The following CXCL13 variants were observed in gnomAD, a reference collection of about 807,000 sequenced individuals.
The protein encoded by CXCL13 is C-X-C motif chemokine 13.
CXCL13 carries 7 observed loss-of-function variants against 12.2 expected under a neutral mutation model. That is an observed-to-expected ratio of 0.57 (90% CI 0.33 to 1.07). The LOEUF (loss-of-function observed/expected upper bound fraction) is 1.07, where lower values mean the gene tolerates loss of function less well. CXCL13 is among the 50% of genes least tolerant of loss of function. The probability of loss-of-function intolerance (pLI) is 0.04; values close to 1 mark genes in which losing one functional copy is unlikely to be tolerated. For missense variants in CXCL13, 113 were observed against 127.4 expected, an observed-to-expected ratio of 0.89 and a Z score of 0.55; for synonymous variants, 47 against 42.4, an observed-to-expected ratio of 1.11 and a Z score of -0.42.
intron 1 of CXCL13, among the ~76,000 whole-genome samples, chr4:77,547,772 A>G (rs150162267): frequency 6.6e-6 from 1 of 152,168 alleles, no homozygotes; most frequent in African/African-American, 2.4e-5. Flanking sequence ...TGACCCTGTC[A>G]TTATGATGTT....
intron 2 of CXCL13, among the ~76,000 whole-genome samples, 199 bp from the exon 3 acceptor site, chr4:77,610,415 A>G (rs1473481253): frequency 1.3e-5 from 2 of 152,176 alleles, no homozygotes; most frequent in East Asian, 3.9e-4. Flanking sequence ...ACCAGCTCAC[A>G]CATACTGTTC....
chr4:77,590,180 T>C (rs968865520), intron 1 of CXCL13, among the ~76,000 whole-genome samples: 2 of 152,224 alleles, frequency 1.3e-5, no homozygotes, highest in African/African-American at 4.8e-5. Context: ...GATAATATCC[T>C]AAATTTATAT....
At chr4:77,538,276 G>C (rs1560518987) in intron 1 of CXCL13, among the ~76,000 whole-genome samples, 1 of 151,984 alleles carries the variant, frequency 6.6e-6, no homozygotes, top group East Asian at 1.9e-4. Flanking sequence ...CTGCCTCAGA[G>C]CTCTGTTTCT....
intron 1 of CXCL13, among the ~76,000 whole-genome samples, chr4:77,557,970 C>T (rs1431802943): frequency 1.3e-5 from 2 of 152,186 alleles, no homozygotes; most frequent in Non-Finnish European, 2.9e-5. Context: ...CCTCTAAGAG[C>T]CATCTTAGGG....
intron 1 of CXCL13, among the ~76,000 whole-genome samples, chr4:77,554,351 A>T (rs1348036654): frequency 5.9e-5 from 9 of 152,222 alleles, no homozygotes; most frequent in Non-Finnish European, 1.2e-4. Context: ...GACAAGAAAT[A>T]ATACTAGAGA....
chr4:77,547,666 A>T (rs1010474155), intron 1 of CXCL13, among the ~76,000 whole-genome samples: 4 of 152,098 alleles, frequency 2.6e-5, no homozygotes, highest in African/African-American at 9.7e-5. Context: ...CAGCACACTG[A>T]TGGGTCTTGA....
At chr4:77,544,165 G>C (rs1355246073) in intron 1 of CXCL13, among the ~76,000 whole-genome samples, 1 of 152,164 alleles carries the variant, frequency 6.6e-6, no homozygotes, top group Non-Finnish European at 1.5e-5. Flanking sequence ...ATTTGGGTTG[G>C]TTCCAAGTCT....
chr4:77,563,499 G>C (rs1421486270), intron 1 of CXCL13, among the ~76,000 whole-genome samples: 1 of 152,096 alleles, frequency 6.6e-6, no homozygotes, highest in Non-Finnish European at 1.5e-5. Context: ...CTTATCTCAG[G>C]CTCCACTTCT....
chr4:77,562,201 C>T (rs1395502794), intron 1 of CXCL13, among the ~76,000 whole-genome samples: 1 of 147,440 alleles, frequency 6.8e-6, no homozygotes, highest in Admixed American at 6.7e-5. Context: ...GCCCCCCGCC[C>T]CGCCTACAGC....
intron 1 of CXCL13, among the ~76,000 whole-genome samples, chr4:77,523,264 A>C (rs1216597969): frequency 6.6e-6 from 1 of 152,176 alleles, no homozygotes. Context: ...CTGCCTTGCT[A>C]TGTTGGGGAA....
At chr4:77,559,168 C>G (rs60639905) in intron 1 of CXCL13, among the ~76,000 whole-genome samples, 8,556 of 152,160 alleles carry the variant, frequency 0.056, 841 homozygotes, top group African/African-American at 0.19. Context: ...ATTGGACTCT[C>G]TAGGAAGCAG....
chr4:77,562,032 C>A (rs1031014430), intron 1 of CXCL13, among the ~76,000 whole-genome samples: 1 of 152,256 alleles, frequency 6.6e-6, no homozygotes, highest in Admixed American at 6.5e-5. Flanking sequence ...GCGGAGGGTG[C>A]GCCGGGTCCC....
chr4:77,515,389 A>G (rs1724389598), intron 1 of CXCL13, among the ~76,000 whole-genome samples: 1 of 152,144 alleles, frequency 6.6e-6, no homozygotes, highest in African/African-American at 2.4e-5. Context: ...TCTATAAATT[A>G]CCTTGGGCAG....
At chr4:77,519,526 G>T (rs962333458) in intron 1 of CXCL13, among the ~76,000 whole-genome samples, 2 of 152,176 alleles carry the variant, frequency 1.3e-5, no homozygotes, top group African/African-American at 4.8e-5. Context: ...CTTTTGAGAA[G>T]TGTCTGTTCA....
At chr4:77,557,520 T>C (rs1332040853) in intron 1 of CXCL13, among the ~76,000 whole-genome samples, 1 of 152,226 alleles carries the variant, frequency 6.6e-6, no homozygotes, top group Non-Finnish European at 1.5e-5. Flanking sequence ...CCTTCTAGTT[T>C]TTCCTCAGGG....
chr4:77,576,299 A>G (rs1182811406), intron 1 of CXCL13, among the ~76,000 whole-genome samples: 1 of 152,186 alleles, frequency 6.6e-6, no homozygotes, highest in African/African-American at 2.4e-5. Flanking sequence ...TGTTCTTCAG[A>G]GTCAAGGAAA....
intron 1 of CXCL13, among the ~76,000 whole-genome samples, chr4:77,540,300 A>C (rs1048362774): frequency 6.6e-6 from 1 of 152,172 alleles, no homozygotes; most frequent in South Asian, 2.1e-4. Flanking sequence ...GTACATGTGC[A>C]GGTTTGTTAC....
intron 1 of CXCL13, among the ~76,000 whole-genome samples, chr4:77,524,613 G>A (rs1724714742): frequency 6.6e-6 from 1 of 152,200 alleles, no homozygotes; most frequent in African/African-American, 2.4e-5. Flanking sequence ...TGTTATTCCA[G>A]GTACAGTCTG....
At chr4:77,539,795 C>T (rs1381371247) in intron 1 of CXCL13, among the ~76,000 whole-genome samples, 3 of 152,096 alleles carry the variant, frequency 2.0e-5, no homozygotes, top group Non-Finnish European at 4.4e-5. Flanking sequence ...ATTATTTCAG[C>T]GAGACAGTTA....
Sources: gnomAD v4.1 joint callset for allele counts (sites outside exome capture counted in the v4.1 genomes callset) on GRCh38, gnomAD v4.1.1 for gene constraint, MANE v1.5 for transcripts, NCBI Gene and HGNC (gene_info 2026-07-23, HGNC 2026-07-21) for gene names.